Variants in TXNRD3 observed in about 807,000 individuals in gnomAD.
TXNRD3 encodes the protein thioredoxin reductase 3, also known as TXNRD3 neighbor gene protein.
In TXNRD3, 68 loss-of-function variants were observed where a neutral mutation model predicts 78.2. The ratio of observed to expected loss-of-function variants is 0.87; its 90% CI spans 0.72 to 1.06. The LOEUF is 1.06. Among genes scored for constraint, TXNRD3 ranks in the 50% least tolerant of loss-of-function variants. TXNRD3 has a pLI of 0.00. For synonymous variants in TXNRD3, 296 were observed against 300.1 expected (o/e 0.99, Z 0.14); for missense variants, 751 against 809.5 (o/e 0.93, Z 0.88).
At chr3:126,609,210 T>G (rs908771143) in intron 14 of TXNRD3, 14 of 418,858 alleles carry the variant, frequency 3.3e-5, no homozygotes, top group African/African-American at 2.5e-4. Flanking sequence ...CATTTGTCAA[T>G]GTTCCTTCAT....
At chr3:126,648,678 A>C (rs1933297995) in intron 1 of TXNRD3, among the ~76,000 whole-genome samples, 1 of 152,244 alleles carries the variant, frequency 6.6e-6, no homozygotes, top group African/African-American at 2.4e-5. Flanking sequence ...ACCTAACGCC[A>C]TGTATGGAAA....
chr3:126,623,297 A>C (rs1411558781), intron 10 of TXNRD3, among the ~76,000 whole-genome samples: 1 of 152,232 alleles, frequency 6.6e-6, no homozygotes, highest in African/African-American at 2.4e-5. Context: ...CTAATGGTAC[A>C]AAAACTCTTT....
chr3:126,644,020 G>A lies in TXNRD3; in HGVS notation c.553C>T (p.Leu185=). The A allele has an allele frequency of 6.5e-7, 1 of 1,536,064 alleles. No homozygotes were observed. Among genetic ancestry groups the A allele is most frequent in the Non-Finnish European group, 8.7e-7 (1 of 1,146,894 alleles). The change falls in exon 5 of 16, where the codon CTA becomes TTA. Residue 185 remains leucine, a synonymous_variant. Transcript: ENST00000524230. The stretch of plus-strand genomic sequence containing the variant: ...TGAGGTGACGGGACAACAAAGTCTA[G>A]CACCATAACTTTCTTTCCCAAAATG...
At chr3:126,641,293 GC>G (rs1171338746) in intron 6 of TXNRD3, among the ~76,000 whole-genome samples, 2 of 151,978 alleles carry the variant, frequency 1.3e-5, no homozygotes, top group Non-Finnish European at 2.9e-5. Context: ...CTCCTCTCCT[GC>G]TTCAACTCCC....
intron 13 of TXNRD3, among the ~76,000 whole-genome samples, chr3:126,613,084 T>G (rs180974818): frequency 1.2e-3 from 176 of 152,322 alleles, no homozygotes; most frequent in Non-Finnish European, 1.6e-3. Context: ...TTTTATCAAC[T>G]TATGCACAAT....
intron 13 of TXNRD3, among the ~76,000 whole-genome samples, chr3:126,614,000 G>A (rs1171026800): frequency 6.6e-6 from 1 of 152,216 alleles, no homozygotes; most frequent in Non-Finnish European, 1.5e-5. Flanking sequence ...CCTGGGACAG[G>A]ATGTGGTGGG....
At chr3:126,609,461 T>A (rs1172658149) in intron 14 of TXNRD3, among the ~76,000 whole-genome samples, 1 of 152,060 alleles carries the variant, frequency 6.6e-6, no homozygotes, top group African/African-American at 2.4e-5. Context: ...CACAGAAGAC[T>A]ACTGCATTGG....
intron 13 of TXNRD3, among the ~76,000 whole-genome samples, chr3:126,614,345 A>T (rs144002776): frequency 6.6e-6 from 1 of 152,298 alleles, no homozygotes; most frequent in Non-Finnish European, 1.5e-5. Flanking sequence ...TCCTATAAAG[A>T]TACTCTTTTG....
intron 8 of TXNRD3, 124 bp downstream of exon 8, chr3:126,631,640 C>T: frequency 1.5e-6 from 1 of 665,048 alleles, no homozygotes; most frequent in South Asian, 2.0e-5. Flanking sequence ...TAGCTTCTTG[C>T]ATTGTATATA....
chr3:126,611,267 A>T (rs1938193414), intron 13 of TXNRD3, 135 bp from the exon 14 acceptor site: 1 of 488,332 alleles, frequency 2.0e-6, no homozygotes, highest in African/African-American at 2.0e-5. Flanking sequence ...CCCCAACTTT[A>T]TGTATCTGTT....
chr3:126,646,117 A>G lies in TXNRD3; in HGVS notation c.408T>C (p.Thr136=). Residue 136 remains threonine, a synonymous_variant, in exon 3 of 16, where the codon ACT becomes ACC. Coordinates refer to ENST00000524230, the MANE Select transcript of TXNRD3 (RefSeq NM_052883.3). ...CATATAATAGTATTATTACCTGGAA[A>G]GTTTGGTCACATCCACCTACATGCA... 2.0e-6 allele frequency: 3 copies of G among 1,522,558 alleles called. No individual in the cohort carries two copies. Among genetic ancestry groups the G allele is most frequent in the Non-Finnish European group, 2.6e-6 (3 of 1,142,342 alleles). The allele number at this position is 1,522,558 out of a possible 1,614,324, so 94.3% of individuals were successfully genotyped here.
intron 12 of TXNRD3, among the ~76,000 whole-genome samples, chr3:126,616,456 A>G (rs138313737): frequency 1.3e-5 from 2 of 152,314 alleles, no homozygotes; most frequent in East Asian, 3.9e-4. Flanking sequence ...AGTCAATCCA[A>G]TTCTTTCTTT....
intron 6 of TXNRD3, among the ~76,000 whole-genome samples, chr3:126,634,532 G>C (rs534105597): frequency 6.6e-6 from 1 of 152,278 alleles, no homozygotes; most frequent in South Asian, 2.1e-4. Context: ...TATCTTACAT[G>C]TCTTTACAAC....
chr3:126,640,789 C>G (rs1933057302), intron 6 of TXNRD3, among the ~76,000 whole-genome samples: 1 of 151,968 alleles, frequency 6.6e-6, no homozygotes, highest in Admixed American at 6.6e-5. Flanking sequence ...ACTTCCCTAT[C>G]CTTTCCTCTC....
At chr3:126,616,659 CT>C (rs1402046906) in intron 12 of TXNRD3, among the ~76,000 whole-genome samples, 1 of 152,072 alleles carries the variant, frequency 6.6e-6, no homozygotes, top group Non-Finnish European at 1.5e-5. Context: ...TAGTATAGTT[CT>C]TTTTTTAGGT....
intron 10 of TXNRD3, among the ~76,000 whole-genome samples, chr3:126,628,314 A>G (rs1262785967): frequency 6.6e-6 from 1 of 152,122 alleles, no homozygotes; most frequent in Non-Finnish European, 1.5e-5. Context: ...ATTTCTTGTC[A>G]GGACTGTACT....
At chr3:126,610,919 G>A in intron 14 of TXNRD3, 118 bp downstream of exon 14, 1 of 575,842 alleles carries the variant, frequency 1.7e-6, no homozygotes, top group Non-Finnish European at 2.9e-6. Context: ...TTGGAGACCA[G>A]CCTGAGCAAC....
At chr3:126,616,585 C>G (rs1029953330) in intron 12 of TXNRD3, among the ~76,000 whole-genome samples, 3 of 152,154 alleles carry the variant, frequency 2.0e-5, no homozygotes, top group African/African-American at 7.2e-5. Context: ...TACAAACCCC[C>G]CACTGTGCTG....
At chr3:126,644,711 AT>A (rs1933187201) in intron 3 of TXNRD3, among the ~76,000 whole-genome samples, 1 of 152,236 alleles carries the variant, frequency 6.6e-6, no homozygotes, top group African/African-American at 2.4e-5. Flanking sequence ...TGGTCTAATT[AT>A]CAAAATATTA....
Sources: allele counts gnomAD v4.1 joint callset (sites outside exome capture counted in the v4.1 genomes callset), GRCh38; gene constraint gnomAD v4.1.1; transcripts MANE v1.5; gene names NCBI Gene and HGNC (gene_info 2026-07-23, HGNC 2026-07-21).